Variants in TG observed in about 807,000 individuals in gnomAD.
TG encodes thyroglobulin, also known as thyroid hormones.
In TG, 270 loss-of-function variants were observed where a neutral mutation model predicts 324.7. The observed-to-expected ratio is 0.83, with a 90% CI of 0.75 to 0.92. The LOEUF is 0.92. Ranked by LOEUF, TG falls within the 40% of genes least tolerant of loss-of-function variation. TG has a pLI of 0.00. For synonymous variants in TG, 1,401 were observed against 1,327.0 expected, an observed-to-expected ratio of 1.06 and a Z score of -1.21; for missense variants, 3,591 against 3,456.4, an observed-to-expected ratio of 1.04 and a Z score of -0.98.
chr8:132,988,170 C>T (rs4540390), intron 35 of TG, among the ~76,000 whole-genome samples: 87,862 of 151,752 alleles, frequency 0.58, 26,777 homozygotes, highest in African/African-American at 0.73. Context: ...CACAGTGGAA[C>T]TGTTCCTAGG....
Position 132,911,388 on chromosome 8 carries a change from T to G in TG, c.4014T>G (p.Phe1338Leu), listed in dbSNP as rs115731476. ...CTGTCTTCTTGTAGGTGAAGACTTT[T>G]GGCACCCTGGTTTCCATTCCTGTCT... ...RGFCQIQVKT[F>L]GTLVSIPVCN... The change falls in exon 19 of 48, where the codon TTT becomes TTG. Residue 1338 changes from phenylalanine (F) to leucine (L), a missense_variant. Transcript: ENST00000220616. The G allele has an allele frequency of 3.3e-5, 53 of 1,614,102 alleles. No individual in the cohort carries two copies. In the African/African-American group the frequency reaches 6.5e-4, roughly 20 times the overall value.
intron 36 of TG, 58 bp from the exon 37 acceptor site, chr8:133,013,542 C>T: frequency 6.2e-7 from 1 of 1,601,530 alleles, no homozygotes; most frequent in South Asian, 1.1e-5. Flanking sequence ...TGGAAGAATG[C>T]ATGAGTGAAG....
chr8:132,967,597 C>T (rs979093033), intron 30 of TG, among the ~76,000 whole-genome samples, 197 bp from the exon 31 acceptor site: 2 of 152,124 alleles, frequency 1.3e-5, no homozygotes, highest in East Asian at 1.9e-4. Context: ...CAGGAGCACA[C>T]GGCCCCCTCC....
intron 35 of TG, among the ~76,000 whole-genome samples, chr8:133,008,871 G>T (rs916156669): frequency 1.3e-5 from 2 of 152,220 alleles, no homozygotes; most frequent in African/African-American, 2.4e-5. Flanking sequence ...ACAAAATGCT[G>T]CCAAGAGCCC....
intron 27 of TG, among the ~76,000 whole-genome samples, chr8:132,958,716 A>AAG (rs1005223195): frequency 1.3e-4 from 20 of 151,842 alleles, no homozygotes; most frequent in African/African-American, 4.6e-4. Flanking sequence ...GTCTCAAAAA[A>AAG]AAAAAGTTTC....
At chr8:133,037,419 A>G (rs1242103579) in intron 41 of TG, 3 of 152,066 alleles carry the variant, frequency 2.0e-5, no homozygotes. Context: ...TTTAGACTGT[A>G]TCCATTTCTT....
At chr8:132,881,575 A>G (rs1814649388) in intron 5 of TG, among the ~76,000 whole-genome samples, 1 of 152,200 alleles carries the variant, frequency 6.6e-6, no homozygotes, top group South Asian at 2.1e-4. Flanking sequence ...CTATGAGACA[A>G]ACGCATGGGC....
At chr8:132,871,673 A>G (rs755744166) in intron 4 of TG, 122 bp downstream of exon 4, 2 of 913,794 alleles carry the variant, frequency 2.2e-6, no homozygotes, top group Non-Finnish European at 3.3e-6. Flanking sequence ...CTCATTAGGG[A>G]AAATGAAAGC....
chr8:133,024,167 C>T (rs546788873), intron 40 of TG, among the ~76,000 whole-genome samples: 24 of 152,340 alleles, frequency 1.6e-4, no homozygotes, highest in African/African-American at 5.3e-4. Context: ...CATCCTGTGC[C>T]TTCAACTCTG....
At position 132,883,017 on chromosome 8, in the gene TG, G is replaced by T. The variant is rs765581511; in HGVS notation, c.1075+18G>T. 5.6e-6 allele frequency: 9 copies of T among 1,612,140 alleles called. 1 individual carries two copies. The Admixed American group carries it at 8.4e-5, about 15-fold the overall frequency. On this transcript the variant is annotated intron_variant, in intron 8 of 47. Transcript: ENST00000220616. ...ATCTTGTGGTGGGTTTCCTCTGGGG[G>T]CTTCCTCTTTCGGCCTCGGATCATA...
chr8:133,039,468 C>T (rs1231451610), intron 41 of TG, among the ~76,000 whole-genome samples: 3 of 152,132 alleles, frequency 2.0e-5, no homozygotes, highest in Admixed American at 6.5e-5. Flanking sequence ...TGGATTGATA[C>T]TGAATTATTA....
chr8:133,108,719 G>A (rs1407075312), intron 43 of TG, among the ~76,000 whole-genome samples: 1 of 152,188 alleles, frequency 6.6e-6, no homozygotes, highest in Non-Finnish European at 1.5e-5. Flanking sequence ...TCTCTACAGA[G>A]GTCGTTCATT....
In TG at chr8:132,983,297, C is replaced by A. The variant is rs754590268; in HGVS notation, c.6200-53C>A. ...TACTTATATTAATGCCTTCTGAACT[C>A]GATGATACCATGGGGGTAGAAAAGA... On this transcript the variant is annotated intron_variant, in intron 34 of 47. Transcript: ENST00000220616. 50 of 1,579,542 alleles carry A rather than the reference C, an allele frequency of 3.2e-5. 1 individual carries two copies. The Admixed American group carries it at 8.3e-4, about 26-fold the overall frequency.
chr8:132,867,712 T>C (rs578247602), intron 1 of TG, among the ~76,000 whole-genome samples: 1 of 148,316 alleles, frequency 6.7e-6, no homozygotes, highest in South Asian at 2.1e-4. Context: ...CATGGCTTGA[T>C]AGATTCAAGA....
chr8:133,113,510 C>A lies in TG; in HGVS notation c.7661C>A (p.Ala2554Asp), dbSNP rs771343185. 1 of 1,614,086 alleles carries A rather than the reference C, an allele frequency of 6.2e-7. No homozygotes were observed. The highest frequency in any genetic ancestry group is 8.5e-7 in the Non-Finnish European group (1 of 1,180,020). The change falls in exon 44 of 48, where the codon GCC (alanine) becomes GAC (aspartate). Residue 2554 changes from alanine to aspartate, a missense_variant. Coordinates refer to ENST00000220616, the MANE Select transcript of TG (RefSeq NM_003235.5). ...QNSLGGEDSD[A>D]RVEAAATWYY... ...TCTCTGGGTGGCGAGGACTCAGATG[C>A]CCGCGTCGAGGCTGCTGCTACATGG... is the stretch of plus-strand genomic sequence containing the variant.
At chr8:132,907,135 G>A (rs1244801645) in intron 17 of TG, among the ~76,000 whole-genome samples, 1 of 152,168 alleles carries the variant, frequency 6.6e-6, no homozygotes, top group Non-Finnish European at 1.5e-5. Flanking sequence ...GGAACCATCT[G>A]CTCCTTGAGA....
Position 132,969,493 on chromosome 8 carries a change from C to A in TG, c.5899C>A (p.Arg1967Ser). ...LEDKVKNFYT[R>S]LPFQKLMGIS... ...AGATAAAGTGAAGAACTTTTACACT[C>A]GCCTGCCGTTCCAAAAACTGATGGG... Residue 1967 changes from arginine to serine, a missense_variant, in exon 32 of 48, where the codon CGC becomes AGC. Transcript: ENST00000220616. 1 of 1,613,902 alleles carries A rather than the reference C, an allele frequency of 6.2e-7. No individual in the cohort carries two copies. The highest frequency in any genetic ancestry group is 8.5e-7 in the Non-Finnish European group (1 of 1,179,864).
intron 28 of TG, among the ~76,000 whole-genome samples, chr8:132,961,591 T>C (rs547613222): frequency 6.6e-6 from 1 of 152,268 alleles, no homozygotes; most frequent in South Asian, 2.1e-4. Flanking sequence ...TTGTCCTCCT[T>C]CACGTTTTCT....
rs965110512 is a variant in TG at position 132,873,056 on chromosome 8, G to A, written c.479-6G>A. The A allele has an allele frequency of 1.2e-6, 2 of 1,614,016 alleles. No homozygotes were observed. The highest frequency in any genetic ancestry group is 1.7e-6 in the Non-Finnish European group (2 of 1,179,974). On this transcript the variant is annotated splice_region_variant and splice_polypyrimidine_tract_variant and intron_variant, in intron 4 of 47. Coordinates refer to ENST00000220616, the MANE Select transcript of TG (RefSeq NM_003235.5). ...ATAAGGATTTTTTTTTCGTGAAAAT[G>A]TTTAGGTCCAAGGAGCTGTGAAATA...
Sources: allele counts gnomAD v4.1 joint callset (sites outside exome capture counted in the v4.1 genomes callset), GRCh38; gene constraint gnomAD v4.1.1; transcripts MANE v1.5; gene names NCBI Gene and HGNC (gene_info 2026-07-23, HGNC 2026-07-21).